The following NKAIN3 variants were observed in gnomAD, a reference collection of about 807,000 sequenced individuals.
NKAIN3 encodes sodium/potassium transporting ATPase interacting 3, also known as sodium/potassium-transporting ATPase subunit beta-1-interacting protein 3.
NKAIN3 carries 25 observed loss-of-function variants against 30.2 expected under a neutral mutation model. That is an observed-to-expected ratio of 0.83 (90% CI 0.60 to 1.16). The LOEUF (loss-of-function observed/expected upper bound fraction) is 1.16. Ranked by LOEUF, NKAIN3 falls within the 50% of genes most tolerant of loss-of-function variation. The pLI, the probability that NKAIN3 is intolerant of heterozygous loss-of-function variation, is 0.00. For synonymous variants in NKAIN3, 91 were observed against 89.6 expected (o/e 1.02, Z -0.09); for missense variants, 225 against 254.1 (o/e 0.89, Z 0.78).
chr8:62,394,488 T>C (rs942809697), intron 1 of NKAIN3, among the ~76,000 whole-genome samples: 1 of 152,190 alleles, frequency 6.6e-6, no homozygotes, highest in Non-Finnish European at 1.5e-5. Flanking sequence ...TATTTTTTTT[T>C]TTTAATTTAA....
chr8:62,282,302 A>G (rs1813226938), intron 1 of NKAIN3, among the ~76,000 whole-genome samples: 1 of 152,192 alleles, frequency 6.6e-6, no homozygotes, highest in African/African-American at 2.4e-5. Context: ...CCTGCTTCTC[A>G]GAAGTAACCA....
In NKAIN3 at chr8:62,977,466, T is replaced by C. The variant is rs539046956; in HGVS notation, c.*12059T>C. Among the ~76,000 whole-genome samples, 1 of 152,046 alleles carries C rather than the reference T, an allele frequency of 6.6e-6. No individual in the cohort carries two copies. Among genetic ancestry groups the C allele is most frequent in the East Asian group, 2.0e-4 (1 of 5,120 alleles). ...GTTGATCTTCAGTCTCTGATATCCT[T>C]TCTTCTGCTTGATCGATTCAGCTAT... On this transcript the variant is annotated 3_prime_UTR_variant, in exon 7 of 7. Transcript: ENST00000623646.
chr8:62,591,014 T>G (rs1197100398), intron 3 of NKAIN3, among the ~76,000 whole-genome samples: 2 of 152,004 alleles, frequency 1.3e-5, no homozygotes, highest in East Asian at 1.9e-4. Context: ...TCTAGTTATA[T>G]TCTATAAATT....
chr8:62,624,780 T>C (rs1586021845), intron 3 of NKAIN3, among the ~76,000 whole-genome samples: 1 of 150,636 alleles, frequency 6.6e-6, no homozygotes, highest in South Asian at 2.1e-4. Context: ...TCTTGAACAT[T>C]CTGCTTTTTT....
intron 1 of NKAIN3, among the ~76,000 whole-genome samples, chr8:62,312,217 C>CTTT (rs1196088733): frequency 1.3e-5 from 2 of 150,570 alleles, no homozygotes; most frequent in East Asian, 3.9e-4. Context: ...TCAATGGATA[C>CTTT]TTTTAAAAGA....
intron 3 of NKAIN3, among the ~76,000 whole-genome samples, chr8:62,697,562 GCTTA>G (rs1814200626): frequency 6.6e-6 from 1 of 151,784 alleles, no homozygotes; most frequent in Non-Finnish European, 1.5e-5. Flanking sequence ...TTCATAACTT[GCTTA>G]CTTATGTTTG....
At chr8:62,612,607 T>C (rs778582135) in intron 3 of NKAIN3, among the ~76,000 whole-genome samples, 5 of 151,914 alleles carry the variant, frequency 3.3e-5, no homozygotes, top group Non-Finnish European at 7.4e-5. Flanking sequence ...TTACATTCAA[T>C]GTTATTATTG....
chr8:62,966,175 C>T lies in NKAIN3; in HGVS notation c.*768C>T. Reference sequence around the variant, plus strand: ...TCCTGACACTGCTGTCAGACCTAAACATACAGCTCATGGGCTTGTGGGACA... The same window carrying T: ...TCCTGACACTGCTGTCAGACCTAAATATACAGCTCATGGGCTTGTGGGACA... On this transcript the variant is annotated 3_prime_UTR_variant, in exon 7 of 7. Coordinates refer to ENST00000623646, the MANE Select transcript of NKAIN3 (RefSeq NM_001304533.3). 1 of 985,186 alleles carries T rather than the reference C, an allele frequency of 1.0e-6. No homozygotes were observed. The highest frequency in any genetic ancestry group is 1.2e-6 in the Non-Finnish European group (1 of 829,762). The allele number at this position is 985,186 out of a possible 1,614,324, so 61.0% of individuals were successfully genotyped here.
At chr8:62,825,624 A>G (rs1333988225) in intron 4 of NKAIN3, among the ~76,000 whole-genome samples, 1 of 152,152 alleles carries the variant, frequency 6.6e-6, no homozygotes, top group Non-Finnish European at 1.5e-5. Flanking sequence ...CCTGACTGAC[A>G]ATCAGAATTA....
chr8:62,503,151 C>G (rs1386415678), intron 1 of NKAIN3, among the ~76,000 whole-genome samples: 8 of 152,274 alleles, frequency 5.3e-5, no homozygotes, highest in Non-Finnish European at 1.0e-4. Context: ...TCTATTTTCC[C>G]TAAGTGTTGG....
chr8:62,808,047 A>G lies in NKAIN3; in HGVS notation c.471+60918A>G, dbSNP rs191016414. On this transcript the variant is annotated intron_variant, in intron 4 of 6. Transcript: ENST00000623646. ...AAATTTTATCTTCTTTTTGAACACA[A>G]TAAAGTCTTTATAGCAATCATCCCT... Among the ~76,000 whole-genome samples, 982 of 152,236 alleles carry G rather than the reference A, an allele frequency of 6.5e-3. 10 individuals carry two copies. Among genetic ancestry groups the G allele is most frequent in the African/African-American group, 0.022 (921 of 41,550 alleles).
At chr8:62,609,630 C>T (rs1300095208) in intron 3 of NKAIN3, among the ~76,000 whole-genome samples, 2 of 151,858 alleles carry the variant, frequency 1.3e-5, no homozygotes, top group Non-Finnish European at 2.9e-5. Flanking sequence ...ACTATAATTG[C>T]TTGTTGTATT....
At chr8:62,665,962 T>A (rs1358962136) in intron 3 of NKAIN3, among the ~76,000 whole-genome samples, 1 of 152,162 alleles carries the variant, frequency 6.6e-6, no homozygotes, top group East Asian at 1.9e-4. Context: ...ACGCCTGTAA[T>A]CCCACCAGTT....
At chr8:62,307,178 C>T (rs1263139059) in intron 1 of NKAIN3, among the ~76,000 whole-genome samples, 1 of 148,874 alleles carries the variant, frequency 6.7e-6, no homozygotes, top group Non-Finnish European at 1.5e-5. Context: ...CTGACCACCC[C>T]ATATGTGACT....
chr8:62,384,687 T>C (rs1437018370), intron 1 of NKAIN3, among the ~76,000 whole-genome samples: 1 of 152,166 alleles, frequency 6.6e-6, no homozygotes, highest in African/African-American at 2.4e-5. Flanking sequence ...TTCAGACACT[T>C]TTCTTGATTC....
chr8:62,403,254 T>G (rs772941336), intron 1 of NKAIN3, among the ~76,000 whole-genome samples: 14 of 152,128 alleles, frequency 9.2e-5, no homozygotes, highest in Non-Finnish European at 1.6e-4. Context: ...AGTTTGGAAA[T>G]TTTGCAGCCT....
intron 1 of NKAIN3, among the ~76,000 whole-genome samples, chr8:62,456,514 G>A (rs982519562): frequency 4.9e-5 from 7 of 141,846 alleles, no homozygotes; most frequent in African/African-American, 1.1e-4. Context: ...GCGAGACTCC[G>A]TCTTAAAAAA....
chr8:62,755,335 G>T (rs1816418135), intron 4 of NKAIN3, among the ~76,000 whole-genome samples: 1 of 152,122 alleles, frequency 6.6e-6, no homozygotes, highest in South Asian at 2.1e-4. Flanking sequence ...CTCCTGTTAG[G>T]CTGATGGGAT....
At chr8:62,875,689 A>T (rs1182610386) in intron 4 of NKAIN3, among the ~76,000 whole-genome samples, 1 of 152,164 alleles carries the variant, frequency 6.6e-6, no homozygotes, top group Non-Finnish European at 1.5e-5. Context: ...CAACCATCTG[A>T]TCTTCGACAA....
Sources: gnomAD v4.1 joint callset for allele counts (sites outside exome capture counted in the v4.1 genomes callset) on GRCh38, gnomAD v4.1.1 for gene constraint, MANE v1.5 for transcripts, NCBI Gene and HGNC (gene_info 2026-07-23, HGNC 2026-07-21) for gene names.